RSPO3: variants seen among roughly 807,000 people sequenced by gnomAD.
The protein encoded by RSPO3 is R-spondin-3.
A neutral mutation model predicts 36.5 loss-of-function variants in RSPO3; 17 were observed. The observed-to-expected ratio is 0.47, with a 90% CI of 0.32 to 0.70. RSPO3 has a LOEUF of 0.70. Among genes scored for constraint, RSPO3 ranks in the 30% least tolerant of loss-of-function variants. The pLI is 0.04. For synonymous variants in RSPO3, 108 were observed against 107.0 expected, an observed-to-expected ratio of 1.01 and a Z score of -0.06; for missense variants, 294 against 322.5, an observed-to-expected ratio of 0.91 and a Z score of 0.68.
In RSPO3 at chr6:127,182,238, C is replaced by A. The variant is rs1775203864; in HGVS notation, c.635-13585C>A. ...CACTCCAATGACTCCCAAACACCTCCCATTTGGCCCCACCCCAAACATTTG... is the reference window on the plus strand; with the variant it reads ...CACTCCAATGACTCCCAAACACCTCACATTTGGCCCCACCCCAAACATTTG... On this transcript the variant is annotated intron_variant, in intron 4 of 4. Transcript: ENST00000356698. Among the ~76,000 whole-genome samples, 3 of 151,860 alleles carry A rather than the reference C, an allele frequency of 2.0e-5. No individual in the cohort carries two copies. In the South Asian group the frequency reaches 6.2e-4, roughly 31 times the overall value.
intron 4 of RSPO3, among the ~76,000 whole-genome samples, chr6:127,162,022 G>A (rs1774719307): frequency 6.6e-6 from 1 of 152,146 alleles, no homozygotes; most frequent in East Asian, 1.9e-4. Flanking sequence ...GCTGGGCTCT[G>A]TCACATTGTT....
chr6:127,177,487 C>A (rs12201742), intron 4 of RSPO3, among the ~76,000 whole-genome samples: 1 of 151,836 alleles, frequency 6.6e-6, no homozygotes, highest in Admixed American at 6.6e-5. Context: ...AACAGGATTG[C>A]GATGTAATCT....
At chr6:127,193,297 G>A (rs1347048813) in intron 4 of RSPO3, among the ~76,000 whole-genome samples, 1 of 152,134 alleles carries the variant, frequency 6.6e-6, no homozygotes, top group Non-Finnish European at 1.5e-5. Context: ...GAAATGCACT[G>A]CCAGTTGAGG....
In RSPO3 at chr6:127,124,622, A is replaced by G. The variant is rs547602580; in HGVS notation, c.97+5333A>G. ...AAATGTAGATTGCTTTCTTAATTAGAGATTTTTCTCAGGGTTTCACATGAT... is the reference window on the plus strand; with the variant it reads ...AAATGTAGATTGCTTTCTTAATTAGGGATTTTTCTCAGGGTTTCACATGAT... On this transcript the variant is annotated intron_variant, in intron 1 of 4. Coordinates refer to ENST00000356698, the MANE Select transcript of RSPO3 (RefSeq NM_032784.5). 1.1e-4 allele frequency among the ~76,000 whole-genome samples: 16 copies of G among 151,886 alleles called. No individual in the cohort carries two copies. In the South Asian group the frequency reaches 3.3e-3, roughly 31 times the overall value.
chr6:127,136,039 T>G (rs919513426), intron 1 of RSPO3, among the ~76,000 whole-genome samples: 7 of 151,940 alleles, frequency 4.6e-5, no homozygotes, highest in Admixed American at 4.6e-4. Flanking sequence ...CTGAAGAAGA[T>G]AAAGAGAGAC....
chr6:127,189,725 G>C (rs914367659), intron 4 of RSPO3, among the ~76,000 whole-genome samples: 1 of 152,146 alleles, frequency 6.6e-6, no homozygotes, highest in Non-Finnish European at 1.5e-5. Context: ...ATTTAGTAGA[G>C]TATGTAATGA....
At chr6:127,184,390 T>G (rs1775248568) in intron 4 of RSPO3, among the ~76,000 whole-genome samples, 1 of 151,850 alleles carries the variant, frequency 6.6e-6, no homozygotes, top group South Asian at 2.1e-4. Flanking sequence ...CCTAGAAATA[T>G]GAATTAAAAT....
chr6:127,166,379 T>C (rs192439716), intron 4 of RSPO3, among the ~76,000 whole-genome samples: 1 of 152,168 alleles, frequency 6.6e-6, no homozygotes, highest in Admixed American at 6.6e-5. Flanking sequence ...ATTGACTTTC[T>C]ATCAGAGGAA....
Position 127,190,583 on chromosome 6 carries a change from A to G in RSPO3, c.635-5240A>G, listed in dbSNP as rs6924189. 5.4e-3 allele frequency among the ~76,000 whole-genome samples: 825 copies of G among 152,342 alleles called. 6 individuals are homozygous for G. Among genetic ancestry groups the G allele is most frequent in the African/African-American group, 0.018 (750 of 41,576 alleles). Reference sequence around the variant, plus strand: ...AGAAGGCATAAAGCCATGGGCTTCCAGTTGAATTTCATTCCACACCAAATA... The same window carrying G: ...AGAAGGCATAAAGCCATGGGCTTCCGGTTGAATTTCATTCCACACCAAATA... On this transcript the variant is annotated intron_variant, in intron 4 of 4. Coordinates refer to ENST00000356698, the MANE Select transcript of RSPO3 (RefSeq NM_032784.5).
At chr6:127,141,730 G>C (rs1380500508) in intron 1 of RSPO3, among the ~76,000 whole-genome samples, 1 of 152,136 alleles carries the variant, frequency 6.6e-6, no homozygotes, top group Non-Finnish European at 1.5e-5. Context: ...TAGGATAAAA[G>C]ATACAGTAGA....
chr6:127,169,461 C>T (rs1307359798), intron 4 of RSPO3, among the ~76,000 whole-genome samples: 5 of 151,840 alleles, frequency 3.3e-5, no homozygotes. Flanking sequence ...CTCCTAAACT[C>T]TTCTGCCTGT....
intron 4 of RSPO3, among the ~76,000 whole-genome samples, chr6:127,185,021 C>A (rs146341995): frequency 6.6e-6 from 1 of 151,988 alleles, no homozygotes; most frequent in Non-Finnish European, 1.5e-5. Flanking sequence ...ATAGAGAAAG[C>A]ACAGTGAAAA....
chr6:127,193,875 A>C (rs969152197), intron 4 of RSPO3, among the ~76,000 whole-genome samples: 1 of 152,174 alleles, frequency 6.6e-6, no homozygotes, highest in Non-Finnish European at 1.5e-5. Flanking sequence ...GAATCGAGTA[A>C]TCAGAATATA....
chr6:127,133,192 C>T (rs572581145), intron 1 of RSPO3, among the ~76,000 whole-genome samples: 8 of 152,056 alleles, frequency 5.3e-5, no homozygotes, highest in African/African-American at 1.4e-4. Flanking sequence ...TTGCTTCAAA[C>T]GTAATGGCAG....
intron 4 of RSPO3, among the ~76,000 whole-genome samples, chr6:127,174,340 A>T (rs1775004540): frequency 1.3e-5 from 2 of 151,884 alleles, no homozygotes; most frequent in South Asian, 4.1e-4. Flanking sequence ...TGCAAATTCA[A>T]GGTTGGCCTA....
intron 2 of RSPO3, 53 bp downstream of exon 2, chr6:127,148,892 G>A: frequency 7.5e-7 from 1 of 1,329,524 alleles, no homozygotes; most frequent in Non-Finnish European, 1.1e-6. Flanking sequence ...GACTTTTCCA[G>A]ATTGAAATGG....
intron 1 of RSPO3, among the ~76,000 whole-genome samples, chr6:127,140,587 C>T (rs1000388728): frequency 6.6e-6 from 1 of 152,188 alleles, no homozygotes; most frequent in Admixed American, 6.5e-5. Flanking sequence ...ATACAAGATG[C>T]TGGTTCTGTT....
At chr6:127,188,296 G>A (rs1327324320) in intron 4 of RSPO3, among the ~76,000 whole-genome samples, 2 of 152,164 alleles carry the variant, frequency 1.3e-5, no homozygotes, top group Non-Finnish European at 2.9e-5. Context: ...GCAAAAGAGA[G>A]TTTATTATGC....
At chr6:127,145,182 C>T (rs1481086725) in intron 1 of RSPO3, among the ~76,000 whole-genome samples, 1 of 152,062 alleles carries the variant, frequency 6.6e-6, no homozygotes, top group Non-Finnish European at 1.5e-5. Flanking sequence ...GACCTAGAAA[C>T]CCACCTTTTC....
Sources: allele counts gnomAD v4.1 joint callset (sites outside exome capture counted in the v4.1 genomes callset), GRCh38; gene constraint gnomAD v4.1.1; transcripts MANE v1.5; gene names NCBI Gene and HGNC (gene_info 2026-07-23, HGNC 2026-07-21).